The following UNC5D variants were observed in gnomAD, a reference collection of about 807,000 sequenced individuals.
UNC5D encodes the protein unc-5 netrin receptor D.
Under a neutral mutation model 105.4 loss-of-function variants are expected in UNC5D, and 39 were observed. The ratio of observed to expected loss-of-function variants is 0.37; its 90% CI spans 0.29 to 0.48. The LOEUF (loss-of-function observed/expected upper bound fraction) is 0.48, where lower values mean the gene tolerates loss of function less well. Ranked by LOEUF, UNC5D falls within the 20% of genes least tolerant of loss-of-function variation. UNC5D has a pLI of 0.98. For synonymous variants in UNC5D, 452 were observed against 450.4 expected, an observed-to-expected ratio of 1.00 and a Z score of -0.04; for missense variants, 991 against 1,202.4, an observed-to-expected ratio of 0.82 and a Z score of 2.60.
intron 14 of UNC5D, among the ~76,000 whole-genome samples, chr8:35,763,509 G>A (rs1037414444): frequency 2.1e-5 from 3 of 142,828 alleles, no homozygotes; most frequent in Non-Finnish European, 4.5e-5. Context: ...TGCAGAAAAT[G>A]TACATTTGCT....
At chr8:35,482,465 T>C (rs1810542967) in intron 1 of UNC5D, among the ~76,000 whole-genome samples, 2 of 152,184 alleles carry the variant, frequency 1.3e-5, no homozygotes, top group African/African-American at 4.8e-5. Context: ...CCTCTCTTCC[T>C]ACTCCTCTTT....
At chr8:35,539,218 A>G (rs1815092297) in intron 1 of UNC5D, among the ~76,000 whole-genome samples, 1 of 152,188 alleles carries the variant, frequency 6.6e-6, no homozygotes, top group Non-Finnish European at 1.5e-5. Context: ...ATATCAAATT[A>G]TTAATAGTAT....
intron 4 of UNC5D, among the ~76,000 whole-genome samples, chr8:35,604,728 A>G (rs1444229699): frequency 1.3e-5 from 2 of 152,108 alleles, no homozygotes; most frequent in African/African-American, 2.4e-5. Flanking sequence ...TATTTCTTGG[A>G]GGCTTTGTTC....
chr8:35,489,278 GAT>G (rs1811041293), intron 1 of UNC5D, among the ~76,000 whole-genome samples: 1 of 152,086 alleles, frequency 6.6e-6, no homozygotes, highest in African/African-American at 2.4e-5. Context: ...AAAGTGCTAG[GAT>G]TACAAGTATG....
At chr8:35,276,025 G>A (rs1400785259) in intron 1 of UNC5D, among the ~76,000 whole-genome samples, 1 of 152,118 alleles carries the variant, frequency 6.6e-6, no homozygotes, top group East Asian at 1.9e-4. Context: ...GTTTAATATA[G>A]GATCAATTTT....
intron 1 of UNC5D, among the ~76,000 whole-genome samples, chr8:35,252,913 A>G (rs1213538656): frequency 6.6e-6 from 1 of 152,166 alleles, no homozygotes; most frequent in Non-Finnish European, 1.5e-5. Flanking sequence ...CCAGTCATTT[A>G]CTGGATATAA....
chr8:35,541,905 C>A (rs1439852167), intron 1 of UNC5D, among the ~76,000 whole-genome samples: 3 of 152,024 alleles, frequency 2.0e-5, no homozygotes, highest in African/African-American at 7.2e-5. Context: ...AATGAACGTG[C>A]TTTTGTAGAG....
Position 35,641,289 on chromosome 8 carries a change from A to G in UNC5D, c.571-42258A>G, listed in dbSNP as rs1008931112. On this transcript the variant is annotated intron_variant, in intron 4 of 16. Transcript: ENST00000404895. The stretch of plus-strand genomic sequence containing the variant: ...GCTGCCAAAAGCTTCTAATCATTCA[A>G]TCTCGTTTCAATTTTAGGGCAGCAG... 2.0e-5 allele frequency among the ~76,000 whole-genome samples: 3 copies of G among 149,642 alleles called. No individual in the cohort carries two copies. The South Asian group carries it at 6.3e-4, about 31-fold the overall frequency.
chr8:35,704,638 C>T (rs1255779085), intron 7 of UNC5D, among the ~76,000 whole-genome samples: 1 of 152,070 alleles, frequency 6.6e-6, no homozygotes, highest in African/African-American at 2.4e-5. Context: ...TCATCTAAAC[C>T]CTAAGAAAGG....
intron 3 of UNC5D, among the ~76,000 whole-genome samples, chr8:35,582,598 T>A (rs1371040926): frequency 6.6e-6 from 1 of 152,194 alleles, no homozygotes; most frequent in Admixed American, 6.5e-5. Context: ...TGGCCTCATC[T>A]TGTCCCGATT....
intron 1 of UNC5D, among the ~76,000 whole-genome samples, chr8:35,269,434 A>AT (rs1805117950): frequency 6.6e-6 from 1 of 152,186 alleles, no homozygotes; most frequent in Non-Finnish European, 1.5e-5. Flanking sequence ...TCGCTTCTTC[A>AT]TGCTGCCCTC....
At chr8:35,504,290 G>A (rs1483346035) in intron 1 of UNC5D, among the ~76,000 whole-genome samples, 1 of 152,072 alleles carries the variant, frequency 6.6e-6, no homozygotes, top group Non-Finnish European at 1.5e-5. Flanking sequence ...TTTGATCTTT[G>A]TAATTTGAAA....
intron 1 of UNC5D, among the ~76,000 whole-genome samples, chr8:35,537,274 AT>A (rs1814912205): frequency 6.6e-6 from 1 of 152,250 alleles, no homozygotes. Flanking sequence ...TATTATTTTT[AT>A]CCAATAACTA....
At chr8:35,625,174 T>C (rs1821630814) in intron 4 of UNC5D, among the ~76,000 whole-genome samples, 1 of 152,218 alleles carries the variant, frequency 6.6e-6, no homozygotes, top group Admixed American at 6.5e-5. Context: ...CCCTTGATTT[T>C]TGAGTGTTCT....
chr8:35,537,982 C>T (rs545636917), intron 1 of UNC5D, among the ~76,000 whole-genome samples: 68 of 152,076 alleles, frequency 4.5e-4, no homozygotes, highest in Non-Finnish European at 8.2e-4. Context: ...TTTCATGGAA[C>T]CTATAGTCTA....
At chr8:35,396,914 TTTG>T (rs1179935786) in intron 1 of UNC5D, among the ~76,000 whole-genome samples, 1 of 151,996 alleles carries the variant, frequency 6.6e-6, no homozygotes. Context: ...TGGTTTGTTT[TTTG>T]TTTTTTTGTT....
intron 1 of UNC5D, among the ~76,000 whole-genome samples, chr8:35,244,548 T>G (rs555659711): frequency 9.7e-4 from 148 of 152,306 alleles, no homozygotes; most frequent in Non-Finnish European, 1.7e-3. Context: ...CAGGAATGAT[T>G]GGAGGACAGT....
At chr8:35,591,129 T>C (rs1018181232) in intron 3 of UNC5D, among the ~76,000 whole-genome samples, 2 of 152,184 alleles carry the variant, frequency 1.3e-5, no homozygotes, top group African/African-American at 2.4e-5. Context: ...AAGGTAATGT[T>C]TTCAGGAAGA....
chr8:35,540,441 AGG>A (rs34099157), intron 1 of UNC5D, among the ~76,000 whole-genome samples: 1 of 132,004 alleles, frequency 7.6e-6, no homozygotes, highest in African/African-American at 3.5e-5. Flanking sequence ...CACAAAGCAG[AGG>A]GGTGTGTGTG....
Sources: gnomAD v4.1 joint callset for allele counts (sites outside exome capture counted in the v4.1 genomes callset) on GRCh38, gnomAD v4.1.1 for gene constraint, MANE v1.5 for transcripts, NCBI Gene and HGNC (gene_info 2026-07-23, HGNC 2026-07-21) for gene names.